The following DLC1 variants were observed in gnomAD, a reference collection of about 807,000 sequenced individuals.
DLC1 encodes the protein rho GTPase-activating protein 7.
Under a neutral mutation model 140.3 loss-of-function variants are expected in DLC1, and 54 were observed. That is an observed-to-expected ratio of 0.38 (90% confidence interval 0.31 to 0.48). The LOEUF (loss-of-function observed/expected upper bound fraction) is 0.48, where lower values mean the gene tolerates loss of function less well. Ranked by LOEUF, DLC1 falls within the 20% of genes least tolerant of loss-of-function variation. The probability of loss-of-function intolerance (pLI) is 0.96; values close to 1 mark genes in which losing one functional copy is unlikely to be tolerated. For missense variants in DLC1, 2,536 were observed against 1,907.0 expected, an observed-to-expected ratio of 1.33 and a Z score of -6.14; for synonymous variants, 986 against 728.1, an observed-to-expected ratio of 1.35 and a Z score of -5.70.
chr8:13,198,899 T>C (rs563704307), intron 5 of DLC1, among the ~76,000 whole-genome samples: 68 of 152,064 alleles, frequency 4.5e-4, no homozygotes, highest in Non-Finnish European at 8.1e-4. Flanking sequence ...GTATTTTTAG[T>C]AGAGACGGGG....
At chr8:13,285,481 C>G (rs1831506040) in intron 5 of DLC1, among the ~76,000 whole-genome samples, 1 of 152,136 alleles carries the variant, frequency 6.6e-6, no homozygotes, top group Non-Finnish European at 1.5e-5. Flanking sequence ...CTTCTGACCA[C>G]ATTTTAACAA....
chr8:13,311,453 T>C (rs1006509620), intron 4 of DLC1, among the ~76,000 whole-genome samples: 5 of 152,302 alleles, frequency 3.3e-5, no homozygotes, highest in Admixed American at 3.3e-4. Flanking sequence ...GGTGTAAGGA[T>C]TGCCTTCAAG....
intron 4 of DLC1, among the ~76,000 whole-genome samples, chr8:13,388,316 G>C (rs929727067): frequency 1.3e-5 from 2 of 151,936 alleles, no homozygotes; most frequent in Non-Finnish European, 2.9e-5. Flanking sequence ...TGTAAAAGGT[G>C]CCCATTAACC....
At chr8:13,281,291 C>G (rs1207132075) in intron 5 of DLC1, among the ~76,000 whole-genome samples, 1 of 152,204 alleles carries the variant, frequency 6.6e-6, no homozygotes, top group Non-Finnish European at 1.5e-5. Context: ...TTGTGATAAA[C>G]TCTATGAAAT....
At chr8:13,453,079 G>C (rs975787161) in intron 2 of DLC1, among the ~76,000 whole-genome samples, 1 of 151,634 alleles carries the variant, frequency 6.6e-6, no homozygotes, top group Admixed American at 6.6e-5. Context: ...GAAGAAATGA[G>C]AAATAGGTAA....
intron 2 of DLC1, among the ~76,000 whole-genome samples, chr8:13,461,512 C>T (rs1799656777): frequency 6.6e-6 from 1 of 152,182 alleles, no homozygotes; most frequent in African/African-American, 2.4e-5. Context: ...TATCAACTTC[C>T]ATCAGACAAG....
intron 5 of DLC1, among the ~76,000 whole-genome samples, chr8:13,162,721 C>G (rs1005776499): frequency 1.3e-5 from 2 of 152,102 alleles, no homozygotes; most frequent in Non-Finnish European, 2.9e-5. Flanking sequence ...AGGAGGATCA[C>G]TTGAGGCCGG....
At chr8:13,223,060 T>G (rs961139741) in intron 5 of DLC1, among the ~76,000 whole-genome samples, 1 of 152,204 alleles carries the variant, frequency 6.6e-6, no homozygotes, top group Non-Finnish European at 1.5e-5. Context: ...GCCAGACCTT[T>G]TTTTGAAATT....
chr8:13,478,645 A>T (rs758664982), intron 2 of DLC1, among the ~76,000 whole-genome samples: 1 of 152,208 alleles, frequency 6.6e-6, no homozygotes, highest in South Asian at 2.1e-4. Context: ...GTTCAAGGCT[A>T]TCACCGCTAG....
intron 2 of DLC1, among the ~76,000 whole-genome samples, chr8:13,468,769 T>C (rs560542212): frequency 5.1e-4 from 78 of 151,712 alleles, no homozygotes; most frequent in African/African-American, 1.9e-3. Context: ...AATCAAAGGA[T>C]TGGCTTTTTA....
intron 2 of DLC1, among the ~76,000 whole-genome samples, chr8:13,416,818 C>T (rs547065746): frequency 1.3e-5 from 2 of 152,246 alleles, no homozygotes; most frequent in South Asian, 4.1e-4. Context: ...GGCCTGGGAA[C>T]CTGCCCTTTG....
chr8:13,347,581 A>G (rs1027631979), intron 4 of DLC1, among the ~76,000 whole-genome samples: 1 of 152,200 alleles, frequency 6.6e-6, no homozygotes, highest in Non-Finnish European at 1.5e-5. Flanking sequence ...TTTGAGGGTT[A>G]GAGGATAGTC....
chr8:13,388,435 A>G (rs1836614298), intron 4 of DLC1, among the ~76,000 whole-genome samples: 1 of 152,006 alleles, frequency 6.6e-6, no homozygotes, highest in Admixed American at 6.6e-5. Context: ...TACATTGGTA[A>G]CAATAAATCT....
chr8:13,141,177 T>C (rs556029446), intron 5 of DLC1, among the ~76,000 whole-genome samples: 104 of 144,424 alleles, frequency 7.2e-4, no homozygotes, highest in African/African-American at 1.7e-3. Flanking sequence ...ATCACTTGAA[T>C]CTGGGAGGTG....
intron 4 of DLC1, among the ~76,000 whole-genome samples, chr8:13,345,546 A>AATTTTTTTTTTT (rs1490773993): frequency 2.2e-5 from 1 of 44,656 alleles, no homozygotes; most frequent in Non-Finnish European, 3.9e-5. Flanking sequence ...TTTCACTCAC[A>AATTTTTTTTTTT]CTTTTTTTTT....
At chr8:13,568,082 C>G in intron 1 of DLC1, 1 of 1,041,466 alleles carries the variant, frequency 9.6e-7, no homozygotes, top group Non-Finnish European at 1.4e-6. Context: ...TTTTTTTTTC[C>G]TATTATAGAA....
intron 5 of DLC1, among the ~76,000 whole-genome samples, chr8:13,191,859 A>G (rs1826772746): frequency 6.6e-6 from 1 of 152,092 alleles, no homozygotes; most frequent in East Asian, 1.9e-4. Flanking sequence ...TTCTGCCTAC[A>G]GTGCCTATGA....
intron 5 of DLC1, among the ~76,000 whole-genome samples, chr8:13,135,060 C>A (rs1822451695): frequency 1.3e-5 from 2 of 152,032 alleles, no homozygotes; most frequent in African/African-American, 4.8e-5. Context: ...AGTGTGGGAG[C>A]CGGAGGAGCT....
intron 5 of DLC1, among the ~76,000 whole-genome samples, chr8:13,150,116 AAT>A (rs1460653269): frequency 6.6e-6 from 1 of 150,980 alleles, no homozygotes; most frequent in African/African-American, 2.4e-5. Context: ...TGTGCGGGTG[AAT>A]ATATGTTTCT....
Sources: gnomAD v4.1 joint callset for allele counts (sites outside exome capture counted in the v4.1 genomes callset) on GRCh38, gnomAD v4.1.1 for gene constraint, MANE v1.5 for transcripts, NCBI Gene and HGNC (gene_info 2026-07-23, HGNC 2026-07-21) for gene names.